Variants in STAC observed in about 807,000 individuals in gnomAD.
STAC encodes SH3 and cysteine-rich domain-containing protein.
STAC carries 43 observed loss-of-function variants against 48.8 expected under a neutral mutation model. That is an observed-to-expected ratio of 0.88 (90% CI 0.69 to 1.14). The LOEUF (loss-of-function observed/expected upper bound fraction) is 1.14, where lower values mean the gene tolerates loss of function less well. Ranked by LOEUF, STAC falls within the 50% of genes most tolerant of loss-of-function variation. The pLI is 0.00. For missense variants in STAC, 497 were observed against 504.0 expected (o/e 0.99, Z 0.13); for synonymous variants, 193 against 179.5 (o/e 1.07, Z -0.60).
At chr3:36,501,232 T>A (rs558760207) in intron 6 of STAC, among the ~76,000 whole-genome samples, 1 of 152,276 alleles carries the variant, frequency 6.6e-6, no homozygotes, top group African/African-American at 2.4e-5. Context: ...TATTTAGCTT[T>A]AAAATGAGTG....
At chr3:36,493,083 A>G (rs1698034571) in intron 5 of STAC, 68 bp from the exon 6 acceptor site, 20 of 1,482,340 alleles carry the variant, frequency 1.3e-5, no homozygotes, top group Non-Finnish European at 1.9e-5. Context: ...CTCTTACACC[A>G]AAGTATCTGC....
chr3:36,519,289 C>A (rs775786872), intron 8 of STAC, among the ~76,000 whole-genome samples: 29 of 152,170 alleles, frequency 1.9e-4, no homozygotes, highest in Non-Finnish European at 3.5e-4. Context: ...TAAAACTTGG[C>A]AATGCTTAGT....
At chr3:36,482,796 CAG>C (rs1484338764) in intron 2 of STAC, among the ~76,000 whole-genome samples, 194 bp from the exon 3 acceptor site, 28 of 152,084 alleles carry the variant, frequency 1.8e-4, no homozygotes, top group Non-Finnish European at 3.8e-4. Flanking sequence ...GGAGATAAAC[CAG>C]AGTGTATACC....
chr3:36,383,456 C>G (rs1699555615), intron 1 of STAC, among the ~76,000 whole-genome samples: 1 of 151,972 alleles, frequency 6.6e-6, no homozygotes. Flanking sequence ...TATGTATTAC[C>G]ACCACCACCA....
intron 1 of STAC, 146 bp downstream of exon 1, chr3:36,380,900 G>GGACCCGCCGAGACTTGAACGTCCGGTAA (rs374917769): frequency 0.2 from 116,504 of 589,666 alleles, 14,800 homozygotes; most frequent in Non-Finnish European, 0.22. Context: ...ACGTCCGGTA[G>GGACCCGCCGAGACTTGAACGTCCGGTAA]GACCCGCTGC....
chr3:36,462,671 GA>G (rs760545815), intron 2 of STAC, among the ~76,000 whole-genome samples: 3 of 152,138 alleles, frequency 2.0e-5, no homozygotes, highest in Non-Finnish European at 4.4e-5. Context: ...AGGAGAGAAT[GA>G]TCAGCCTTGT....
At chr3:36,487,909 T>C (rs577896000) in intron 5 of STAC, among the ~76,000 whole-genome samples, 57 of 152,284 alleles carry the variant, frequency 3.7e-4, no homozygotes, top group African/African-American at 1.3e-3. Flanking sequence ...TGCTAATTCT[T>C]TTACTGAAAG....
chr3:36,383,537 A>G (rs189194100), intron 1 of STAC, among the ~76,000 whole-genome samples: 1 of 152,288 alleles, frequency 6.6e-6, no homozygotes, highest in East Asian at 1.9e-4. Context: ...TAAATATGCT[A>G]TCAGGTTACA....
At chr3:36,403,619 A>G (rs1700039515) in intron 1 of STAC, among the ~76,000 whole-genome samples, 1 of 152,198 alleles carries the variant, frequency 6.6e-6, no homozygotes, top group Non-Finnish European at 1.5e-5. Flanking sequence ...ATGTGAAAAA[A>G]TGAAAAATAA....
intron 10 of STAC, among the ~76,000 whole-genome samples, chr3:36,545,758 T>G (rs1363920150): frequency 6.6e-6 from 1 of 152,182 alleles, no homozygotes. Context: ...TTATATGAGG[T>G]GCATATAAAA....
chr3:36,542,578 T>C (rs1279232326), intron 10 of STAC, among the ~76,000 whole-genome samples: 1 of 152,252 alleles, frequency 6.6e-6, no homozygotes, highest in South Asian at 2.1e-4. Flanking sequence ...CCTTTTTCTC[T>C]TTCTTTAAAT....
At chr3:36,393,853 A>G (rs1043670583) in intron 1 of STAC, among the ~76,000 whole-genome samples, 1 of 151,870 alleles carries the variant, frequency 6.6e-6, no homozygotes, top group African/African-American at 2.4e-5. Context: ...TCTTATTACA[A>G]CAGCTCAAAC....
chr3:36,385,244 C>T (rs1699592012), intron 1 of STAC, among the ~76,000 whole-genome samples: 1 of 152,094 alleles, frequency 6.6e-6, no homozygotes. Context: ...TGAAGATAGC[C>T]TAATATTCCA....
At chr3:36,460,583 G>A (rs776596701) in intron 2 of STAC, among the ~76,000 whole-genome samples, 7 of 152,208 alleles carry the variant, frequency 4.6e-5, no homozygotes, top group Non-Finnish European at 7.4e-5. Context: ...GGGTGCTGCC[G>A]GCATTAGTGG....
chr3:36,446,390 G>A (rs1475699420), intron 2 of STAC, among the ~76,000 whole-genome samples: 1 of 152,192 alleles, frequency 6.6e-6, no homozygotes, highest in Admixed American at 6.5e-5. Context: ...CTGAGTCTTA[G>A]TCTAAGAGAC....
intron 1 of STAC, among the ~76,000 whole-genome samples, chr3:36,382,508 T>G (rs556573626): frequency 1.3e-5 from 2 of 152,366 alleles, no homozygotes; most frequent in South Asian, 4.1e-4. Flanking sequence ...AAGTGGTCTA[T>G]ACACCGGATG....
At chr3:36,456,195 C>T (rs948875236) in intron 2 of STAC, among the ~76,000 whole-genome samples, 3 of 152,138 alleles carry the variant, frequency 2.0e-5, no homozygotes, top group African/African-American at 7.2e-5. Flanking sequence ...AAGATCCAGA[C>T]ACCATCCCTT....
intron 5 of STAC, among the ~76,000 whole-genome samples, chr3:36,486,819 C>G (rs950047384): frequency 1.3e-5 from 2 of 152,218 alleles, no homozygotes; most frequent in Non-Finnish European, 1.5e-5. Context: ...CCATGCATCT[C>G]TGTGACCTGT....
intron 1 of STAC, among the ~76,000 whole-genome samples, chr3:36,434,700 A>C (rs913825295): frequency 6.6e-6 from 1 of 152,220 alleles, no homozygotes; most frequent in Non-Finnish European, 1.5e-5. Flanking sequence ...ATCCTGGCAG[A>C]AATGATCAGG....
Sources: allele counts gnomAD v4.1 joint callset (sites outside exome capture counted in the v4.1 genomes callset), GRCh38; gene constraint gnomAD v4.1.1; transcripts MANE v1.5; gene names NCBI Gene and HGNC (gene_info 2026-07-23, HGNC 2026-07-21).